TGFB2: variants seen among roughly 807,000 people sequenced by gnomAD.
TGFB2 encodes the protein transforming growth factor beta-2 proprotein.
TGFB2 carries 13 observed loss-of-function variants against 42.7 expected under a neutral mutation model. The ratio of observed to expected loss-of-function variants is 0.30; its 90% CI spans 0.20 to 0.48. TGFB2 has a LOEUF of 0.48. Ranked by LOEUF, TGFB2 falls within the 20% of genes least tolerant of loss-of-function variation. The pLI, the probability that TGFB2 is intolerant of heterozygous loss-of-function variation, is 0.99. For synonymous variants in TGFB2, 193 were observed against 193.6 expected, an observed-to-expected ratio of 1.00 and a Z score of 0.03; for missense variants, 390 against 517.5, an observed-to-expected ratio of 0.75 and a Z score of 2.39.
At chr1:218,427,458 A>G (rs935622077) in intron 2 of TGFB2, among the ~76,000 whole-genome samples, 5 of 152,054 alleles carry the variant, frequency 3.3e-5, no homozygotes, top group South Asian at 2.1e-4. Flanking sequence ...TACATTAGGT[A>G]TATCTCCTAA....
chr1:218,396,131 G>A (rs770624399), intron 1 of TGFB2, among the ~76,000 whole-genome samples: 61 of 152,298 alleles, frequency 4.0e-4, no homozygotes, highest in Non-Finnish European at 5.9e-4. Flanking sequence ...GCCTGGTCAA[G>A]TGCATTGTGG....
chr1:218,402,538 A>AG (rs1021529427), intron 1 of TGFB2, among the ~76,000 whole-genome samples: 2 of 151,518 alleles, frequency 1.3e-5, no homozygotes, highest in Non-Finnish European at 2.9e-5. Flanking sequence ...GGACCAGAAA[A>AG]GGGGGGAAAA....
At chr1:218,401,013 C>G (rs1321200055) in intron 1 of TGFB2, among the ~76,000 whole-genome samples, 1 of 152,074 alleles carries the variant, frequency 6.6e-6, no homozygotes, top group Non-Finnish European at 1.5e-5. Context: ...TACAAAGCAT[C>G]AATTCAAAAA....
intron 1 of TGFB2, among the ~76,000 whole-genome samples, chr1:218,372,292 A>G (rs1297111554): frequency 6.6e-6 from 1 of 152,170 alleles, no homozygotes; most frequent in African/African-American, 2.4e-5. Flanking sequence ...TGGAGTCTAA[A>G]TTGGTTTTGG....
intron 1 of TGFB2, among the ~76,000 whole-genome samples, chr1:218,401,757 G>A (rs1017136610): frequency 1.6e-4 from 25 of 152,186 alleles, no homozygotes; most frequent in Non-Finnish European, 3.5e-4. Context: ...AAGACTAAGC[G>A]GGTGGATCAG....
rs1660143024 is a variant in TGFB2, at chr1:218,441,285, A to G, written c.1168A>G (p.Ile390Val). The G allele has an allele frequency of 1.9e-6, 3 of 1,613,792 alleles. No homozygotes were observed. Among genetic ancestry groups the G allele is most frequent in the Non-Finnish European group, 2.5e-6 (3 of 1,179,938 alleles). Residue 390 changes from isoleucine to valine, a missense_variant, in exon 7 of 7, where the codon ATT becomes GTT. By Grantham distance (29) the Ile-to-Val change is conservative (BLOSUM62 3). Transcript: ENST00000366930. ...CVSQDLEPLT[I>V]LYYIGKTPKI... ...GTCCCAAGATTTAGAACCTCTAACCATTCTCTACTACATTGGCAAAACACC... is the reference window on the plus strand; with the variant it reads ...GTCCCAAGATTTAGAACCTCTAACCGTTCTCTACTACATTGGCAAAACACC...
At chr1:218,388,576 C>T (rs1308925073) in intron 1 of TGFB2, among the ~76,000 whole-genome samples, 1 of 152,160 alleles carries the variant, frequency 6.6e-6, no homozygotes, top group African/African-American at 2.4e-5. Context: ...GCTTGTCCCT[C>T]TCTGGATCTT....
intron 1 of TGFB2, among the ~76,000 whole-genome samples, chr1:218,354,602 A>G (rs1032952871): frequency 6.6e-6 from 1 of 152,212 alleles, no homozygotes; most frequent in Non-Finnish European, 1.5e-5. Flanking sequence ...GGAAATAGCT[A>G]TTTCTATTAG....
chr1:218,419,455 C>A (rs1659386132), intron 2 of TGFB2, among the ~76,000 whole-genome samples: 1 of 152,178 alleles, frequency 6.6e-6, no homozygotes, highest in Non-Finnish European at 1.5e-5. Flanking sequence ...TGCTTTTCTC[C>A]TTGATAATCT....
chr1:218,438,367 A>G (rs1660040598), intron 6 of TGFB2, among the ~76,000 whole-genome samples: 2 of 152,204 alleles, frequency 1.3e-5, no homozygotes, highest in South Asian at 4.1e-4. Context: ...ATTTCAGTTA[A>G]TGCCTGGGAG....
At chr1:218,408,977 G>C (rs995986746) in intron 2 of TGFB2, among the ~76,000 whole-genome samples, 1 of 152,208 alleles carries the variant, frequency 6.6e-6, no homozygotes, top group African/African-American at 2.4e-5. Context: ...TGGCAGTGAT[G>C]GGAGACAGTG....
chr1:218,355,738 A>G (rs1466625982), intron 1 of TGFB2, among the ~76,000 whole-genome samples: 3 of 152,218 alleles, frequency 2.0e-5, no homozygotes, highest in South Asian at 2.1e-4. Flanking sequence ...AGCAGCTATT[A>G]TTCATCGAAT....
chr1:218,378,473 G>C (rs897476200), intron 1 of TGFB2, among the ~76,000 whole-genome samples: 3 of 151,750 alleles, frequency 2.0e-5, no homozygotes, highest in Admixed American at 2.0e-4. Flanking sequence ...TACTGCACCC[G>C]GCCATTTTTT....
chr1:218,409,990 C>A (rs1273623323), intron 2 of TGFB2, among the ~76,000 whole-genome samples: 1 of 152,192 alleles, frequency 6.6e-6, no homozygotes, highest in Non-Finnish European at 1.5e-5. Context: ...GGTTTGGAAT[C>A]CCTGGGGGAG....
At chr1:218,411,916 G>T (rs1659114101) in intron 2 of TGFB2, among the ~76,000 whole-genome samples, 1 of 151,282 alleles carries the variant, frequency 6.6e-6, no homozygotes, top group Non-Finnish European at 1.5e-5. Flanking sequence ...CATCACTTTT[G>T]CCTTACTCTA....
intron 1 of TGFB2, among the ~76,000 whole-genome samples, chr1:218,373,618 A>T (rs1198229543): frequency 1.3e-5 from 2 of 152,170 alleles, no homozygotes; most frequent in South Asian, 2.1e-4. Flanking sequence ...ACTGAGGTGT[A>T]GTAACATCAC....
rs931960431 is a variant in TGFB2, at chr1:218,441,215, A to G, written c.1098A>G (p.Leu366=). 5 of 1,612,220 alleles carry G rather than the reference A, an allele frequency of 3.1e-6. No individual in the cohort carries two copies. Among genetic ancestry groups the G allele is most frequent in the Non-Finnish European group, 3.4e-6 (4 of 1,179,622 alleles). Residue 366 remains leucine, a synonymous_variant, in exon 7 of 7, where the codon TTA becomes TTG. Transcript: ENST00000366930. ...SDTQHSRVLS[L]YNTINPEASA... ...CTGTGTCCTTTCAGGTCCTGAGCTT[A>G]TATAATACCATAAATCCAGAAGCAT...
chr1:218,414,562 G>GT (rs1475988299), intron 2 of TGFB2, among the ~76,000 whole-genome samples: 12 of 151,772 alleles, frequency 7.9e-5, no homozygotes, highest in South Asian at 2.1e-4. Context: ...ATATCTCAGG[G>GT]TTTTTTTTCA....
At chr1:218,421,520 G>A (rs1455179278) in intron 2 of TGFB2, among the ~76,000 whole-genome samples, 2 of 152,006 alleles carry the variant, frequency 1.3e-5, no homozygotes, top group Non-Finnish European at 2.9e-5. Flanking sequence ...AATACTCTGT[G>A]GGGGTAATAA....
Sources: gnomAD v4.1 joint callset for allele counts (sites outside exome capture counted in the v4.1 genomes callset) on GRCh38, gnomAD v4.1.1 for gene constraint, MANE v1.5 for transcripts, NCBI Gene and HGNC (gene_info 2026-07-23, HGNC 2026-07-21) for gene names.